FAT3: variants seen among roughly 807,000 people sequenced by gnomAD.
FAT3 encodes FAT atypical cadherin 3.
In FAT3, 95 loss-of-function variants were observed where a neutral mutation model predicts 310.2. The ratio of observed to expected loss-of-function variants is 0.31; its 90% CI spans 0.26 to 0.36. The LOEUF (loss-of-function observed/expected upper bound fraction) is 0.36. FAT3 is among the 10% of genes least tolerant of loss of function. The pLI, the probability that FAT3 is intolerant of heterozygous loss-of-function variation, is 1.00. For missense variants in FAT3, 5,408 were observed against 5,715.6 expected (o/e 0.95, Z 1.74); for synonymous variants, 2,314 against 2,192.9 (o/e 1.06, Z -1.54).
chr11:92,446,865 C>T (rs896130103), intron 2 of FAT3, among the ~76,000 whole-genome samples: 1 of 152,072 alleles, frequency 6.6e-6, no homozygotes, highest in Non-Finnish European at 1.5e-5. Context: ...TCTGTAGTTC[C>T]AGGTAGTTCT....
At position 92,844,359 on chromosome 11, in the gene FAT3, G is replaced by T; in HGVS notation, c.10992G>T (p.Leu3664=). 2 of 1,613,952 alleles carry T rather than the reference G, an allele frequency of 1.2e-6. No individual in the cohort carries two copies. Among genetic ancestry groups the T allele is most frequent in the South Asian group, 1.1e-5 (1 of 91,086 alleles). ...TGTCCCCTGAGGACTTCGTGGGGCT[G>T]CACATGCATGGGTTCCGGCGCACCC... ...ENVSPEDFVG[L]HMHGFRRTLR... Residue 3664 remains leucine, a synonymous_variant, in exon 19 of 28, where the codon CTG becomes CTT. Transcript: ENST00000525166.
intron 4 of FAT3, among the ~76,000 whole-genome samples, chr11:92,730,833 T>G (rs1324621542): frequency 6.6e-6 from 1 of 152,248 alleles, no homozygotes; most frequent in Admixed American, 6.5e-5. Flanking sequence ...CAAAAAAGAC[T>G]ATTTTTAATC....
At chr11:92,555,762 T>A (rs1452025163) in intron 3 of FAT3, among the ~76,000 whole-genome samples, 1 of 152,212 alleles carries the variant, frequency 6.6e-6, no homozygotes, top group African/African-American at 2.4e-5. Context: ...CACAGACTCA[T>A]TCCAAGGCTT....
intron 4 of FAT3, among the ~76,000 whole-genome samples, chr11:92,709,014 C>G (rs879516544): frequency 1.3e-5 from 2 of 152,078 alleles, no homozygotes; most frequent in Non-Finnish European, 2.9e-5. Flanking sequence ...ATAGGTAGAC[C>G]GAGGCACCCA....
At chr11:92,695,321 C>T (rs1943906117) in intron 3 of FAT3, among the ~76,000 whole-genome samples, 1 of 152,060 alleles carries the variant, frequency 6.6e-6, no homozygotes, top group Admixed American at 6.5e-5. Context: ...AGCAGGGAGA[C>T]AAAAATCCAT....
At chr11:92,783,222 G>T (rs1946798837) in intron 7 of FAT3, among the ~76,000 whole-genome samples, 1 of 151,916 alleles carries the variant, frequency 6.6e-6, no homozygotes. Context: ...GCTGGGTGTG[G>T]TGGAATGCGC....
At chr11:92,657,693 T>C (rs1218807916) in intron 3 of FAT3, among the ~76,000 whole-genome samples, 1 of 152,220 alleles carries the variant, frequency 6.6e-6, no homozygotes, top group Non-Finnish European at 1.5e-5. Flanking sequence ...AAAGGGACAG[T>C]GAATACTTTC....
At chr11:92,476,237 A>AC (rs1316805725) in intron 2 of FAT3, among the ~76,000 whole-genome samples, 3 of 152,200 alleles carry the variant, frequency 2.0e-5, no homozygotes, top group African/African-American at 4.8e-5. Context: ...TGGCTAGATC[A>AC]CCATCTTTTT....
At chr11:92,767,431 C>G (rs777098246) in intron 6 of FAT3, among the ~76,000 whole-genome samples, 6 of 152,104 alleles carry the variant, frequency 3.9e-5, no homozygotes, top group Non-Finnish European at 7.4e-5. Context: ...TGTCACATCT[C>G]TCCCTGGCAT....
chr11:92,403,231 TG>T (rs1424968087), intron 2 of FAT3: 2 of 152,234 alleles, frequency 1.3e-5, no homozygotes, highest in African/African-American at 4.8e-5. Context: ...CTGAGCAAGA[TG>T]TCTGTTTACA....
intron 1 of FAT3, among the ~76,000 whole-genome samples, chr11:92,238,555 T>G (rs1008484607): frequency 6.6e-6 from 1 of 152,124 alleles, no homozygotes; most frequent in African/African-American, 2.4e-5. Context: ...GGCCTGGGGC[T>G]GTTACAGATG....
At chr11:92,648,064 C>T (rs949807369) in intron 3 of FAT3, among the ~76,000 whole-genome samples, 1 of 152,110 alleles carries the variant, frequency 6.6e-6, no homozygotes, top group Non-Finnish European at 1.5e-5. Flanking sequence ...GGAAAGTGGT[C>T]AAGGAATGAA....
intron 3 of FAT3, among the ~76,000 whole-genome samples, chr11:92,623,867 C>T (rs985683806): frequency 1.3e-5 from 2 of 151,930 alleles, no homozygotes; most frequent in African/African-American, 4.8e-5. Context: ...GGCGTGAACC[C>T]GGGAGGCAGA....
chr11:92,657,298 T>C (rs1370771460), intron 3 of FAT3, among the ~76,000 whole-genome samples: 1 of 152,114 alleles, frequency 6.6e-6, no homozygotes, highest in Non-Finnish European at 1.5e-5. Flanking sequence ...CTAAAGTGAG[T>C]AAATTTTGCT....
At chr11:92,459,493 CT>C (rs1239607083) in intron 2 of FAT3, among the ~76,000 whole-genome samples, 1 of 152,170 alleles carries the variant, frequency 6.6e-6, no homozygotes, top group African/African-American at 2.4e-5. Context: ...AACGGGCCTA[CT>C]TGTGTACCTA....
chr11:92,679,868 A>G lies in FAT3; in HGVS notation c.3608-17516A>G, dbSNP rs1255012615. Among the ~76,000 whole-genome samples the G allele has an allele frequency of 3.4e-3, 504 of 148,094 alleles. 3 individuals are homozygous for G. The highest frequency in any genetic ancestry group is 0.012 in the African/African-American group (476 of 40,188). On this transcript the variant is annotated intron_variant, in intron 3 of 27. Transcript: ENST00000525166. ...AAAAAAAAAAAAAAAAAAAAAAAAAAGTTGAACGTTTTTTCAAATACCTGT... is the reference window on the plus strand; with the variant it reads ...AAAAAAAAAAAAAAAAAAAAAAAAAGGTTGAACGTTTTTTCAAATACCTGT...
chr11:92,573,309 C>G (rs1044543645), intron 3 of FAT3, among the ~76,000 whole-genome samples: 3 of 152,060 alleles, frequency 2.0e-5, no homozygotes, highest in South Asian at 2.1e-4. Context: ...ATGCTGGTTG[C>G]GAATTATGGA....
At position 92,743,540 on chromosome 11, in the gene FAT3, C is replaced by T. The variant is rs147458691; in HGVS notation, c.3670-18316C>T. The stretch of plus-strand genomic sequence containing the variant: ...CATTGTTATATTGTATAGCTTGTGC[C>T]CTATGCAGGGACACCTGGCCAAATG... On this transcript the variant is annotated intron_variant, in intron 4 of 27. Coordinates refer to ENST00000525166, the MANE Select transcript of FAT3 (RefSeq NM_001367949.2). Among the ~76,000 whole-genome samples the T allele has an allele frequency of 5.1e-3, 773 of 152,248 alleles. 4 individuals carry two copies. Among genetic ancestry groups the T allele is most frequent in the Non-Finnish European group, 8.6e-3 (583 of 68,016 alleles).
intron 2 of FAT3, among the ~76,000 whole-genome samples, chr11:92,422,388 G>A (rs1027044358): frequency 2.6e-5 from 4 of 152,110 alleles, no homozygotes; most frequent in Admixed American, 6.6e-5. Context: ...TTCAGTGCCT[G>A]GAGCAACTTT....
Sources: gnomAD v4.1 joint callset for allele counts (sites outside exome capture counted in the v4.1 genomes callset) on GRCh38, gnomAD v4.1.1 for gene constraint, MANE v1.5 for transcripts, NCBI Gene and HGNC (gene_info 2026-07-23, HGNC 2026-07-21) for gene names.